The following CACNA1C variants were observed in gnomAD, a reference collection of about 807,000 sequenced individuals.
CACNA1C encodes voltage-dependent L-type calcium channel subunit alpha-1C.
CACNA1C carries 30 observed loss-of-function variants against 229.0 expected under a neutral mutation model. That is an observed-to-expected ratio of 0.13 (90% confidence interval 0.10 to 0.18). CACNA1C has a LOEUF of 0.18. CACNA1C is among the 10% of genes least tolerant of loss of function. The probability of loss-of-function intolerance (pLI) is 1.00; values close to 1 mark genes in which losing one functional copy is unlikely to be tolerated. For synonymous variants in CACNA1C, 1,114 were observed against 1,132.5 expected, an observed-to-expected ratio of 0.98 and a Z score of 0.33; for missense variants, 1,658 against 2,845.0, an observed-to-expected ratio of 0.58 and a Z score of 9.49.
At chr12:2,039,210 A>G (rs1340487130) in intron 1 of CACNA1C, among the ~76,000 whole-genome samples, 1 of 152,186 alleles carries the variant, frequency 6.6e-6, no homozygotes, top group African/African-American at 2.4e-5. Flanking sequence ...CTAAACAATG[A>G]TGAGAGGACA....
At chr12:2,489,413 G>A (rs539480603) in intron 6 of CACNA1C, among the ~76,000 whole-genome samples, 3 of 152,324 alleles carry the variant, frequency 2.0e-5, no homozygotes, top group East Asian at 1.9e-4. Flanking sequence ...CGGTGAAGGC[G>A]GTCTCAGAAG....
chr12:1,993,649 T>C (rs2040069182), intron 1 of CACNA1C, among the ~76,000 whole-genome samples: 1 of 149,376 alleles, frequency 6.7e-6, no homozygotes, highest in Non-Finnish European at 1.5e-5. Context: ...TGTGTGTGTG[T>C]GTGTGTGTAT....
intron 9 of CACNA1C, among the ~76,000 whole-genome samples, chr12:2,542,382 AG>A (rs1464902276): frequency 6.6e-6 from 1 of 152,208 alleles, no homozygotes; most frequent in African/African-American, 2.4e-5. Flanking sequence ...AACTGTCAAG[AG>A]AGCCATTCGT....
intron 3 of CACNA1C, among the ~76,000 whole-genome samples, chr12:2,226,265 A>T (rs1335508695): frequency 6.6e-6 from 1 of 151,906 alleles, no homozygotes. Context: ...GCATCCTTTC[A>T]CTGATTTGAT....
chr12:2,325,160 A>G (rs2096234061), intron 3 of CACNA1C, among the ~76,000 whole-genome samples: 3 of 151,978 alleles, frequency 2.0e-5, no homozygotes, highest in African/African-American at 7.3e-5. Context: ...CCCATCTCCT[A>G]TGCTCTGTGT....
intron 3 of CACNA1C, among the ~76,000 whole-genome samples, chr12:2,172,387 TTAAG>T (rs1469907348): frequency 6.6e-6 from 1 of 152,228 alleles, no homozygotes; most frequent in East Asian, 1.9e-4. Context: ...GGTCCTCTAA[TTAAG>T]TAGTAATGTG....
intron 9 of CACNA1C, among the ~76,000 whole-genome samples, chr12:2,531,569 G>A (rs544481682): frequency 2.0e-5 from 3 of 152,302 alleles, no homozygotes; most frequent in South Asian, 4.1e-4. Context: ...CTGTGGCTAA[G>A]CTGAGGAGAG....
intron 1 of CACNA1C, among the ~76,000 whole-genome samples, chr12:1,974,555 C>T (rs2033687948): frequency 6.6e-6 from 1 of 152,150 alleles, no homozygotes; most frequent in South Asian, 2.1e-4. Context: ...GCACTGGCAA[C>T]TAAGAGCTCA....
intron 3 of CACNA1C, among the ~76,000 whole-genome samples, chr12:2,418,952 A>G (rs2098945502): frequency 6.6e-6 from 1 of 152,212 alleles, no homozygotes; most frequent in Non-Finnish European, 1.5e-5. Flanking sequence ...ACCCCTATGG[A>G]AACATACAAA....
intron 9 of CACNA1C, among the ~76,000 whole-genome samples, chr12:2,527,955 AC>A (rs2099825897): frequency 6.6e-6 from 1 of 152,184 alleles, no homozygotes; most frequent in Non-Finnish European, 1.5e-5. Flanking sequence ...TTCTTCTTGT[AC>A]CTCTTAGATG....
At chr12:2,167,102 A>G (rs1212747757) in intron 3 of CACNA1C, among the ~76,000 whole-genome samples, 1 of 152,198 alleles carries the variant, frequency 6.6e-6, no homozygotes, top group Non-Finnish European at 1.5e-5. Flanking sequence ...TGTGCTGTTG[A>G]TTGATGTTAT....
At position 2,446,972 on chromosome 12, in the gene CACNA1C, C is replaced by A. The variant is rs548874319; in HGVS notation, c.478-2004C>A. Among the ~76,000 whole-genome samples, 18 of 152,236 alleles carry A rather than the reference C, an allele frequency of 1.2e-4. No homozygotes were observed. In the South Asian group the frequency reaches 3.5e-3, roughly 30 times the overall value. ...TAATGGATACCCAACTTGTGTGTTT[C>A]CCTTTCCTGTGCTTTCTTTCCCATC... is the stretch of plus-strand genomic sequence containing the variant. On this transcript the variant is annotated intron_variant, in intron 3 of 46. Transcript: ENST00000399655.
chr12:2,325,482 G>A (rs776795667), intron 3 of CACNA1C, among the ~76,000 whole-genome samples: 3 of 152,220 alleles, frequency 2.0e-5, no homozygotes, highest in Non-Finnish European at 4.4e-5. Context: ...TTTATTGGAA[G>A]GAATATCGGC....
intron 3 of CACNA1C, among the ~76,000 whole-genome samples, chr12:2,244,145 A>G (rs1187630940): frequency 2.0e-5 from 3 of 152,206 alleles, no homozygotes; most frequent in Non-Finnish European, 2.9e-5. Flanking sequence ...AGATTCATCT[A>G]TCTGTTTCAG....
chr12:2,177,590 T>TTCCA (rs2096696615), intron 3 of CACNA1C, among the ~76,000 whole-genome samples: 1 of 73,166 alleles, frequency 1.4e-5, no homozygotes, highest in Non-Finnish European at 2.3e-5. Flanking sequence ...CCTCCCTCCC[T>TTCCA]TCCTTCCTTC....
At chr12:2,645,922 G>A (rs182219506) in intron 30 of CACNA1C, among the ~76,000 whole-genome samples, 75 of 152,294 alleles carry the variant, frequency 4.9e-4, no homozygotes, top group African/African-American at 1.6e-3. Flanking sequence ...GGTCTCTTTG[G>A]AGAGTTGTCA....
intron 3 of CACNA1C, among the ~76,000 whole-genome samples, chr12:2,406,995 C>G (rs551216153): frequency 6.6e-6 from 1 of 152,372 alleles, no homozygotes; most frequent in African/African-American, 2.4e-5. Context: ...CACTCGGCCC[C>G]CATCAGCACT....
In CACNA1C at chr12:2,450,540, C is replaced by A. The variant is rs538052179; in HGVS notation, c.617+1425C>A. On this transcript the variant is annotated intron_variant, in intron 4 of 46. Coordinates refer to ENST00000399655, the MANE Select transcript of CACNA1C (RefSeq NM_000719.7). ...CTGCACTCCAGCCTGGGCAACAGAG[C>A]GAGACTCCATCTCAAAAAAAAAAAA... Among the ~76,000 whole-genome samples, 16 of 99,490 alleles carry A rather than the reference C, an allele frequency of 1.6e-4. No individual in the cohort carries two copies. The South Asian group carries it at 3.4e-3, about 21-fold the overall frequency. 65.3% of individuals were successfully genotyped at this position (99,490 alleles called of 152,430 possible).
intron 30 of CACNA1C, 39 bp from the exon 31 acceptor site, chr12:2,648,436 G>C (rs374853441): frequency 5.7e-5 from 92 of 1,602,114 alleles, no homozygotes; most frequent in Non-Finnish European, 2.6e-6. Context: ...CTTCATGGGA[G>C]ACTCATTACA....
Sources: allele counts gnomAD v4.1 joint callset (sites outside exome capture counted in the v4.1 genomes callset), GRCh38; gene constraint gnomAD v4.1.1; transcripts MANE v1.5; gene names NCBI Gene and HGNC (gene_info 2026-07-23, HGNC 2026-07-21).